FARS2: variants seen among roughly 807,000 people sequenced by gnomAD.
The protein encoded by FARS2 is phenylalanyl-tRNA synthetase 2, mitochondrial, also known as phenylalanine--tRNA ligase, mitochondrial.
Under a neutral mutation model 46.4 loss-of-function variants are expected in FARS2, and 40 were observed. The ratio of observed to expected loss-of-function variants is 0.86; its 90% confidence interval spans 0.67 to 1.12. FARS2 has a LOEUF of 1.12. Among genes scored for constraint, FARS2 ranks in the 50% most tolerant of loss-of-function variants. FARS2 has a pLI of 0.00. For synonymous variants in FARS2, 234 were observed against 214.9 expected, an observed-to-expected ratio of 1.09 and a Z score of -0.78; for missense variants, 513 against 567.9, an observed-to-expected ratio of 0.90 and a Z score of 0.98.
upstream of FARS2, among the ~76,000 whole-genome samples, chr6:5,257,572 G>A (rs769082900): frequency 6.6e-6 from 1 of 152,218 alleles, no homozygotes; most frequent in Admixed American, 6.5e-5. Context: ...TAGGAACCGG[G>A]CCACACAGCA....
chr6:5,306,373 C>T (rs1440064038), intron 1 of FARS2, among the ~76,000 whole-genome samples: 4 of 152,204 alleles, frequency 2.6e-5, no homozygotes, highest in Middle Eastern at 3.2e-3. Flanking sequence ...GTTCTTTTAA[C>T]AGCCATGTGA....
chr6:5,456,354 A>AT (rs1287252718), intron 4 of FARS2, among the ~76,000 whole-genome samples: 1 of 152,228 alleles, frequency 6.6e-6, no homozygotes, highest in Non-Finnish European at 1.5e-5. Context: ...TTCACGCAGC[A>AT]TTTGAAGGGC....
intron 6 of FARS2, among the ~76,000 whole-genome samples, chr6:5,656,750 T>C (rs967505084): frequency 6.6e-6 from 1 of 152,166 alleles, no homozygotes; most frequent in African/African-American, 2.4e-5. Flanking sequence ...GGTTTCACCA[T>C]GTTGGCCAGG....
At chr6:5,518,231 A>G (rs900903623) in intron 4 of FARS2, among the ~76,000 whole-genome samples, 3 of 151,676 alleles carry the variant, frequency 2.0e-5, no homozygotes, top group Non-Finnish European at 4.4e-5. Flanking sequence ...GGTGATCAGG[A>G]TTTGGAGTTT....
chr6:5,559,805 A>G (rs986830453), intron 5 of FARS2, among the ~76,000 whole-genome samples: 1 of 152,166 alleles, frequency 6.6e-6, no homozygotes, highest in African/African-American at 2.4e-5. Context: ...ACAAAGGCCC[A>G]TGGAATGCAA....
chr6:5,265,520 C>T (rs907449871), intron 1 of FARS2, among the ~76,000 whole-genome samples: 2 of 152,164 alleles, frequency 1.3e-5, no homozygotes, highest in Admixed American at 6.5e-5. Flanking sequence ...TACTGATAAC[C>T]TTTTGTTTCA....
intron 6 of FARS2, among the ~76,000 whole-genome samples, chr6:5,685,815 A>G (rs1757155626): frequency 6.6e-6 from 1 of 152,188 alleles, no homozygotes; most frequent in Non-Finnish European, 1.5e-5. Context: ...GCCCCTTCCT[A>G]TTCAAGTCTA....
intron 2 of FARS2, among the ~76,000 whole-genome samples, chr6:5,375,675 T>C (rs925971065): frequency 2.0e-5 from 3 of 152,092 alleles, no homozygotes; most frequent in Non-Finnish European, 4.4e-5. Flanking sequence ...ACAGCTCTAC[T>C]TCATATTTGA....
chr6:5,380,861 T>G (rs1759714059), intron 2 of FARS2, among the ~76,000 whole-genome samples: 1 of 152,174 alleles, frequency 6.6e-6, no homozygotes, highest in Admixed American at 6.5e-5. Context: ...GATAGTTTTC[T>G]TAAACTAGAT....
chr6:5,465,183 A>G (rs1765445562), intron 4 of FARS2, among the ~76,000 whole-genome samples: 1 of 152,208 alleles, frequency 6.6e-6, no homozygotes, highest in Non-Finnish European at 1.5e-5. Context: ...TTTAAAAGCA[A>G]AAAGAGGAGA....
intron 1 of FARS2, among the ~76,000 whole-genome samples, chr6:5,324,951 GT>G (rs1770257436): frequency 6.6e-6 from 1 of 152,104 alleles, no homozygotes; most frequent in East Asian, 1.9e-4. Context: ...GCAGGAAAGA[GT>G]TTTTAGCAAG....
intron 1 of FARS2, among the ~76,000 whole-genome samples, chr6:5,299,126 A>G (rs1768105053): frequency 6.6e-6 from 1 of 152,210 alleles, no homozygotes; most frequent in African/African-American, 2.4e-5. Context: ...TTGCTTGCCT[A>G]GATTTCAGTA....
At chr6:5,513,976 T>G (rs1304778827) in intron 4 of FARS2, among the ~76,000 whole-genome samples, 2 of 152,058 alleles carry the variant, frequency 1.3e-5, no homozygotes, top group Non-Finnish European at 2.9e-5. Context: ...GTTGTATCTC[T>G]TCATTGGGGA....
chr6:5,330,049 G>C (rs1482955659), intron 1 of FARS2, among the ~76,000 whole-genome samples: 2 of 152,154 alleles, frequency 1.3e-5, no homozygotes, highest in Non-Finnish European at 2.9e-5. Flanking sequence ...GTCACCAAGA[G>C]TGGCCTCATG....
intron 1 of FARS2, among the ~76,000 whole-genome samples, chr6:5,290,032 ATATT>A (rs1234751326): frequency 6.6e-6 from 1 of 152,218 alleles, no homozygotes; most frequent in Non-Finnish European, 1.5e-5. Flanking sequence ...AAAATTTTCA[ATATT>A]TATATTAAAT....
At chr6:5,335,932 T>G (rs1209091796) in intron 1 of FARS2, among the ~76,000 whole-genome samples, 2 of 152,168 alleles carry the variant, frequency 1.3e-5, no homozygotes, top group Non-Finnish European at 2.9e-5. Context: ...GAGTTGGATA[T>G]TTTGCTTTGT....
intron 1 of FARS2, among the ~76,000 whole-genome samples, chr6:5,284,142 T>A (rs1397868191): frequency 2.6e-5 from 4 of 152,230 alleles, no homozygotes; most frequent in Non-Finnish European, 5.9e-5. Flanking sequence ...CTCTCATGAA[T>A]GCTATTGAGC....
intron 6 of FARS2, among the ~76,000 whole-genome samples, chr6:5,701,249 C>T (rs1283093101): frequency 3.9e-5 from 6 of 152,224 alleles, no homozygotes; most frequent in Non-Finnish European, 5.9e-5. Flanking sequence ...GTTAGGGCCC[C>T]GTGTGCACAT....
In FARS2 at chr6:5,721,546, C is replaced by T. The variant is rs116649954; in HGVS notation, c.1218-49745C>T. Among the ~76,000 whole-genome samples the T allele has an allele frequency of 5.4e-3, 822 of 152,210 alleles. 9 individuals are homozygous for T. Among genetic ancestry groups the T allele is most frequent in the African/African-American group, 0.019 (779 of 41,510 alleles). ...TCACTCTTTCATGATTGTGTGAAAT[C>T]GTGCATCATTCAATTAGAAATATTG... On this transcript the variant is annotated intron_variant, in intron 6 of 6. Transcript: ENST00000274680.
Sources: gnomAD v4.1 joint callset for allele counts (sites outside exome capture counted in the v4.1 genomes callset) on GRCh38, gnomAD v4.1.1 for gene constraint, MANE v1.5 for transcripts, NCBI Gene and HGNC (gene_info 2026-07-23, HGNC 2026-07-21) for gene names.